The following SYN3 variants were observed in gnomAD, a reference collection of about 807,000 sequenced individuals.
The protein encoded by SYN3 is synapsin-3.
A neutral mutation model predicts 65.8 loss-of-function variants in SYN3; 35 were observed. The ratio of observed to expected loss-of-function variants is 0.53; its 90% CI spans 0.41 to 0.70. The LOEUF is 0.70. SYN3 is among the 30% of genes least tolerant of loss of function. The probability of loss-of-function intolerance (pLI) is 0.00; values close to 1 mark genes in which losing one functional copy is unlikely to be tolerated. For missense variants in SYN3, 680 were observed against 749.0 expected (o/e 0.91, Z 1.08); for synonymous variants, 270 against 292.9 (o/e 0.92, Z 0.80).
intron 6 of SYN3, among the ~76,000 whole-genome samples, chr22:32,637,339 A>T (rs953035422): frequency 2.6e-5 from 4 of 152,132 alleles, no homozygotes; most frequent in African/African-American, 9.7e-5. Context: ...CATCATAGGG[A>T]TGTTGTGAGG....
chr22:32,746,155 G>A (rs2044926048), intron 6 of SYN3, among the ~76,000 whole-genome samples: 1 of 152,200 alleles, frequency 6.6e-6, no homozygotes. Flanking sequence ...GACTGAGCGG[G>A]TTGCAGGAGC....
intron 4 of SYN3, among the ~76,000 whole-genome samples, chr22:32,873,570 C>G (rs901779946): frequency 6.6e-6 from 1 of 152,084 alleles, no homozygotes; most frequent in African/African-American, 2.4e-5. Context: ...AGAGCCCATG[C>G]GGAAATCCTC....
intron 1 of SYN3, among the ~76,000 whole-genome samples, chr22:33,055,692 C>A (rs1238708947): frequency 1.3e-5 from 2 of 152,174 alleles, no homozygotes; most frequent in African/African-American, 4.8e-5. Flanking sequence ...GAAGGCCTTT[C>A]CAAGAAGGTT....
intron 3 of SYN3, among the ~76,000 whole-genome samples, chr22:32,975,829 C>A (rs1332255058): frequency 1.3e-5 from 2 of 152,222 alleles, no homozygotes; most frequent in Non-Finnish European, 2.9e-5. Context: ...TTATTTCTAT[C>A]AAGTAATCAT....
chr22:32,906,672 G>A (rs541975243), intron 4 of SYN3, among the ~76,000 whole-genome samples: 41 of 149,886 alleles, frequency 2.7e-4, no homozygotes, highest in African/African-American at 8.9e-4. Context: ...CCCACCCCCC[G>A]ACAGGCCCGG....
intron 3 of SYN3, among the ~76,000 whole-genome samples, chr22:32,937,205 CTG>C (rs2146730264): frequency 6.6e-6 from 1 of 152,046 alleles, no homozygotes; most frequent in East Asian, 1.9e-4. Context: ...GTTAAAACAA[CTG>C]TTATAAAGAG....
At chr22:33,044,338 A>C (rs2054020260) in intron 1 of SYN3, among the ~76,000 whole-genome samples, 1 of 152,188 alleles carries the variant, frequency 6.6e-6, no homozygotes, top group Non-Finnish European at 1.5e-5. Context: ...TTGACAGCAC[A>C]ACAGACATTC....
intron 6 of SYN3, among the ~76,000 whole-genome samples, chr22:32,610,947 C>T (rs1329924735): frequency 6.6e-6 from 1 of 152,176 alleles, no homozygotes; most frequent in Admixed American, 6.5e-5. Context: ...TATTGCCACA[C>T]AGTATTCTGT....
chr22:32,672,466 G>C lies in SYN3; in HGVS notation c.712-75730C>G, dbSNP rs980051930. ...GGGCTGCAGAGAAATGGATTGTCTT[G>C]GAGAAGTCTCAGCGCTAAGTCTGGA... On this transcript the variant is annotated intron_variant, in intron 6 of 13. Transcript: ENST00000358763. Among the ~76,000 whole-genome samples, 33 of 152,320 alleles carry C rather than the reference G, an allele frequency of 2.2e-4. 1 individual carries two copies. The highest frequency in any genetic ancestry group is 1.8e-3 in the Admixed American group (27 of 15,310).
At chr22:32,980,612 G>A in intron 3 of SYN3, 33 bp downstream of exon 3, 13 of 1,607,824 alleles carry the variant, frequency 8.1e-6, no homozygotes, top group Non-Finnish European at 1.1e-5. Flanking sequence ...GAAAAGGTCA[G>A]TTGACAGTGC....
chr22:32,650,329 C>T (rs766706337), intron 6 of SYN3, among the ~76,000 whole-genome samples: 7 of 144,498 alleles, frequency 4.8e-5, no homozygotes, highest in South Asian at 4.6e-4. Flanking sequence ...TGCAGTGGAG[C>T]GATCACAGTT....
At chr22:32,839,206 T>G (rs1385011615) in intron 6 of SYN3, among the ~76,000 whole-genome samples, 2 of 152,032 alleles carry the variant, frequency 1.3e-5, no homozygotes, top group African/African-American at 4.8e-5. Context: ...GCCATATATA[T>G]GCCACCGAGC....
chr22:32,981,990 T>C (rs2052387704), intron 2 of SYN3, among the ~76,000 whole-genome samples: 1 of 152,206 alleles, frequency 6.6e-6, no homozygotes, highest in African/African-American at 2.4e-5. Context: ...TGATGATTGC[T>C]AGAAAGTGTG....
intron 4 of SYN3, among the ~76,000 whole-genome samples, chr22:32,916,189 C>G (rs1213783590): frequency 6.6e-6 from 1 of 152,220 alleles, no homozygotes; most frequent in Admixed American, 6.5e-5. Context: ...GACCTTCCAG[C>G]CCAGCCAAGC....
chr22:32,934,405 G>A (rs1049455506), intron 3 of SYN3, among the ~76,000 whole-genome samples: 1 of 152,170 alleles, frequency 6.6e-6, no homozygotes, highest in South Asian at 2.1e-4. Flanking sequence ...TCAGATGTGG[G>A]TGTCTAGAGT....
At chr22:32,856,493 TC>T (rs1261694822) in intron 6 of SYN3, among the ~76,000 whole-genome samples, 1 of 152,148 alleles carries the variant, frequency 6.6e-6, no homozygotes, top group Admixed American at 6.5e-5. Flanking sequence ...CAGCAAGCCT[TC>T]TGGGTACTGA....
chr22:32,957,101 G>A (rs1438947831), intron 3 of SYN3, among the ~76,000 whole-genome samples: 1 of 152,114 alleles, frequency 6.6e-6, no homozygotes, highest in Non-Finnish European at 1.5e-5. Context: ...GAGTGAGACT[G>A]GCACCTCTGG....
intron 4 of SYN3, among the ~76,000 whole-genome samples, chr22:32,883,354 G>T (rs374161455): frequency 3.3e-5 from 5 of 152,280 alleles, no homozygotes; most frequent in African/African-American, 1.2e-4. Context: ...CAGCTCAGTC[G>T]GATGCCCATC....
At chr22:32,556,227 A>C (rs2146325733) in intron 7 of SYN3, among the ~76,000 whole-genome samples, 1 of 152,334 alleles carries the variant, frequency 6.6e-6, no homozygotes, top group Middle Eastern at 3.4e-3. Flanking sequence ...AAAAGTACGG[A>C]ATGTTTTTAT....
Sources: allele counts gnomAD v4.1 joint callset (sites outside exome capture counted in the v4.1 genomes callset), GRCh38; gene constraint gnomAD v4.1.1; transcripts MANE v1.5; gene names NCBI Gene and HGNC (gene_info 2026-07-23, HGNC 2026-07-21).